The following LGR6 variants were observed in gnomAD, a reference collection of about 807,000 sequenced individuals.
LGR6 encodes leucine rich repeat containing G protein-coupled receptor 6, also known as leucine-rich repeat-containing G protein-coupled receptor 6.
LGR6 carries 45 observed loss-of-function variants against 69.4 expected under a neutral mutation model. The ratio of observed to expected loss-of-function variants is 0.65; its 90% CI spans 0.51 to 0.83. The LOEUF (loss-of-function observed/expected upper bound fraction) is 0.83, where lower values mean the gene tolerates loss of function less well. LGR6 is among the 40% of genes least tolerant of loss of function. The pLI is 0.00. For missense variants in LGR6, 1,108 were observed against 1,246.7 expected (o/e 0.89, Z 1.68); for synonymous variants, 538 against 555.0 (o/e 0.97, Z 0.43).
At chr1:202,240,099 G>A (rs536960501) in intron 4 of LGR6, among the ~76,000 whole-genome samples, 2 of 152,070 alleles carry the variant, frequency 1.3e-5, no homozygotes, top group Non-Finnish European at 2.9e-5. Flanking sequence ...CAGGCTGGGC[G>A]CAGTGGCTCA....
At chr1:202,204,428 C>A in intron 1 of LGR6, among the ~76,000 whole-genome samples, 1 of 80,214 alleles carries the variant, frequency 1.2e-5, no homozygotes, top group African/African-American at 4.1e-5. Flanking sequence ...CACACACCTC[C>A]AAACACACAC....
intron 4 of LGR6, among the ~76,000 whole-genome samples, chr1:202,261,935 G>T (rs1347502434): frequency 2.0e-5 from 3 of 152,050 alleles, no homozygotes; most frequent in Non-Finnish European, 4.4e-5. Flanking sequence ...GGGGTTGTTT[G>T]TTTTTTTCTT....
intron 1 of LGR6, 38 bp downstream of exon 1, chr1:202,194,239 G>A (rs765856135): frequency 9.8e-6 from 14 of 1,430,648 alleles, no homozygotes; most frequent in Non-Finnish European, 1.3e-5. Flanking sequence ...GGTCCTGCGG[G>A]CTGCTGGCTA....
chr1:202,297,622 G>A, intron 7 of LGR6, 46 bp downstream of exon 7: 2 of 1,538,678 alleles, frequency 1.3e-6, no homozygotes, highest in Non-Finnish European at 1.8e-6. Flanking sequence ...TGTCCCAAGG[G>A]CAGGGGCTGA....
intron 7 of LGR6, among the ~76,000 whole-genome samples, chr1:202,299,040 A>G (rs1038056886): frequency 5.3e-5 from 8 of 151,662 alleles, no homozygotes; most frequent in African/African-American, 1.9e-4. Context: ...TGGGCAGATC[A>G]CTTGAGGTCA....
chr1:202,204,543 A>ACC (rs1658997831), intron 1 of LGR6, among the ~76,000 whole-genome samples: 1 of 74,068 alleles, frequency 1.4e-5, no homozygotes, highest in African/African-American at 6.1e-5. Flanking sequence ...ACCTCCTTCA[A>ACC]ACACACACAC....
intron 3 of LGR6, among the ~76,000 whole-genome samples, chr1:202,233,396 C>T (rs1254174402): frequency 6.6e-6 from 1 of 152,138 alleles, no homozygotes; most frequent in Non-Finnish European, 1.5e-5. Context: ...CAGCCTGCGA[C>T]CCCCTGTTTT....
intron 13 of LGR6, 43 bp from the exon 14 acceptor site, chr1:202,307,287 C>A (rs772343842): frequency 8.3e-6 from 13 of 1,572,664 alleles, no homozygotes; most frequent in Non-Finnish European, 1.1e-5. Flanking sequence ...GTGAGTCCTC[C>A]ACATGTTACT....
chr1:202,215,500 G>C (rs1659716865), intron 1 of LGR6, among the ~76,000 whole-genome samples: 1 of 152,154 alleles, frequency 6.6e-6, no homozygotes, highest in African/African-American at 2.4e-5. Context: ...CACAGAAACA[G>C]TGCCCTCCTA....
At chr1:202,224,930 C>T (rs183804290) in intron 1 of LGR6, among the ~76,000 whole-genome samples, 2 of 152,332 alleles carry the variant, frequency 1.3e-5, no homozygotes, top group Admixed American at 6.5e-5. Context: ...CAGGGACAGT[C>T]GTACCAGTTC....
intron 17 of LGR6, among the ~76,000 whole-genome samples, chr1:202,317,688 G>A (rs1251395003): frequency 6.6e-6 from 1 of 152,132 alleles, no homozygotes; most frequent in East Asian, 1.9e-4. Context: ...GAGGGTTAGG[G>A]TTCACCCCAC....
At chr1:202,203,957 C>G in intron 1 of LGR6, 1 of 949,660 alleles carries the variant, frequency 1.1e-6, no homozygotes, top group Non-Finnish European at 1.7e-6. Context: ...GTGAAAATAC[C>G]AGGTAGTATT....
intron 4 of LGR6, among the ~76,000 whole-genome samples, chr1:202,251,668 C>T (rs1016019411): frequency 2.0e-5 from 3 of 152,332 alleles, no homozygotes; most frequent in African/African-American, 7.2e-5. Context: ...GCCACCAGGC[C>T]TTTGGGGCCA....
At position 202,268,066 on chromosome 1, in the gene LGR6, A is replaced by C. The variant is rs1337104387; in HGVS notation, c.429-8240A>C. Among the ~76,000 whole-genome samples, 6 of 152,192 alleles carry C rather than the reference A, an allele frequency of 3.9e-5. No homozygotes were observed. Among genetic ancestry groups the C allele is most frequent in the Admixed American group, 3.9e-4 (6 of 15,282 alleles). The stretch of plus-strand genomic sequence containing the variant: ...CTGGGAGGGGTGTCAGTCCGCGGGA[A>C]GGCAGAAGCTCATGAGCATCCGTGC... On this transcript the variant is annotated intron_variant, in intron 4 of 17. Transcript: ENST00000367278. The surrounding 1 kb of genome is among the most constrained non-coding windows in gnomAD (Gnocchi z 4.4).
chr1:202,312,757 T>A (rs894343536), intron 16 of LGR6, among the ~76,000 whole-genome samples: 1 of 152,214 alleles, frequency 6.6e-6, no homozygotes, highest in Non-Finnish European at 1.5e-5. Context: ...TCTTATTCTT[T>A]AAAAAGCCTT....
chr1:202,303,373 T>C (rs766040398), intron 10 of LGR6, 26 bp downstream of exon 10: 2 of 1,581,434 alleles, frequency 1.3e-6, no homozygotes, highest in Non-Finnish European at 1.7e-6. Context: ...CTCCCTACCT[T>C]ATCTATCGCC....
rs539379320 is a variant in LGR6 at position 202,201,119 on chromosome 1, A to G, written c.212+6918A>G. Among the ~76,000 whole-genome samples the G allele has an allele frequency of 2.6e-5, 4 of 152,294 alleles. No individual in the cohort carries two copies. The South Asian group carries it at 8.3e-4, about 32-fold the overall frequency. On this transcript the variant is annotated intron_variant, in intron 1 of 17. Transcript: ENST00000367278. Reference sequence around the variant, plus strand: ...CTCTCTGATTAACTGTGAGATGTGAATTTGAGGCTGGGACCAGGGAAGCAT... The same window carrying G: ...CTCTCTGATTAACTGTGAGATGTGAGTTTGAGGCTGGGACCAGGGAAGCAT...
At chr1:202,314,983 T>C (rs189576155) in intron 17 of LGR6, 101 bp downstream of exon 17, 58 of 829,072 alleles carry the variant, frequency 7.0e-5, no homozygotes, top group Non-Finnish European at 8.1e-6. Context: ...TGCAGCCACA[T>C]TCTTTGCCTG....
intron 1 of LGR6, among the ~76,000 whole-genome samples, chr1:202,207,956 T>C (rs113611039): frequency 3.9e-4 from 60 of 152,338 alleles, no homozygotes; most frequent in Non-Finnish European, 6.9e-4. Flanking sequence ...CTGGTCCAGC[T>C]GTGGAGATAA....
Sources: gnomAD v4.1 joint callset for allele counts (sites outside exome capture counted in the v4.1 genomes callset) on GRCh38, gnomAD v4.1.1 for gene constraint, Gnocchi (gnomAD v3.1) non-coding constraint, MANE v1.5 for transcripts, NCBI Gene and HGNC (gene_info 2026-07-23, HGNC 2026-07-21) for gene names.